Variants in DMD observed in about 807,000 individuals in gnomAD.
DMD encodes the protein dystrophin.
A neutral mutation model predicts 330.1 loss-of-function variants in DMD; 63 were observed. The ratio of observed to expected loss-of-function variants is 0.19; its 90% CI spans 0.16 to 0.24. The LOEUF (loss-of-function observed/expected upper bound fraction) is 0.24. Among genes scored for constraint, DMD ranks in the 10% least tolerant of loss-of-function variants. The pLI, the probability that DMD is intolerant of heterozygous loss-of-function variation, is 1.00. For missense variants in DMD, 3,344 were observed against 2,684.1 expected, an observed-to-expected ratio of 1.25 and a Z score of -5.43; for synonymous variants, 1,223 against 959.8, an observed-to-expected ratio of 1.27 and a Z score of -5.07.
chrX:33,010,026 GTACATGTGTA>G (rs1212377989), intron 2 of DMD, among the ~76,000 whole-genome samples: 1 of 30,926 alleles, frequency 3.2e-5, no homozygotes, highest in Non-Finnish European at 6.5e-5. Context: ...ACATATGTGT[GTACATGTGTA>G]TATACACATG....
At chrX:32,065,626 G>A (rs1225550576) in intron 44 of DMD, among the ~76,000 whole-genome samples, 1 of 111,969 alleles carries the variant, frequency 8.9e-6, no homozygotes, top group Non-Finnish European at 1.9e-5. Flanking sequence ...TTGGATGTTT[G>A]TGTATGTGTA....
rs746219759 is a variant in DMD, at chrX:32,380,699, A to G, written c.4675-19T>C. On this transcript the variant is annotated intron_variant, in intron 33 of 78. Coordinates refer to ENST00000357033, the MANE Select transcript of DMD (RefSeq NM_004006.3). ...CTGTTACCTGAAAAGAATTATAATGAAATGTAATTTAGTTTACTCTTTAAT... is the reference window on the plus strand; with the variant it reads ...CTGTTACCTGAAAAGAATTATAATGGAATGTAATTTAGTTTACTCTTTAAT... 8.4e-7 allele frequency: 1 copy of G among 1,188,262 alleles called. No individual in the cohort carries two copies. The highest frequency in any genetic ancestry group is 1.1e-6 in the Non-Finnish European group (1 of 879,922).
Position 32,565,710 on chromosome X carries a change from T to C in DMD, c.1984A>G (p.Thr662Ala). ...TAATTGGTATCACTAACCTGTGCTG[T>C]ACTCTTTTCAAGTTTTTGGACTAAA... ...DNLVQKLEKSTAQISQAVTTT... is the reference protein window; with the variant it reads ...DNLVQKLEKSAAQISQAVTTT... The change falls in exon 16 of 79, where the codon ACA becomes GCA. Residue 662 changes from threonine to alanine, a missense_variant. Coordinates refer to ENST00000357033, the MANE Select transcript of DMD (RefSeq NM_004006.3). The C allele has an allele frequency of 3.3e-6, 4 of 1,211,321 alleles. No homozygotes were observed. Among genetic ancestry groups the C allele is most frequent in the South Asian group, 1.8e-5 (1 of 57,008 alleles).
intron 60 of DMD, among the ~76,000 whole-genome samples, chrX:31,385,492 G>A (rs2060404390): frequency 8.9e-6 from 1 of 111,935 alleles, no homozygotes; most frequent in Non-Finnish European, 1.9e-5. Flanking sequence ...TAATTTGGTT[G>A]ACTAATGAAG....
At chrX:33,255,489 T>C (rs1360598978) in intron 1 of DMD, among the ~76,000 whole-genome samples, 1 of 111,218 alleles carries the variant, frequency 9.0e-6, no homozygotes, top group East Asian at 2.8e-4. Context: ...CGGATTTATA[T>C]AATCCATATC....
chrX:31,688,598 A>G (rs1261910983), intron 52 of DMD, among the ~76,000 whole-genome samples: 1 of 112,047 alleles, frequency 8.9e-6, no homozygotes, highest in East Asian at 2.8e-4. Flanking sequence ...AAAAAGAGGG[A>G]ATCCTCCCTA....
intron 18 of DMD, among the ~76,000 whole-genome samples, chrX:32,516,402 G>T (rs1459096416): frequency 9.0e-6 from 1 of 111,667 alleles, no homozygotes; most frequent in Admixed American, 9.5e-5. Context: ...CAGAAAACCA[G>T]TTATAAAACA....
chrX:31,262,025 G>C (rs188319473), intron 62 of DMD, among the ~76,000 whole-genome samples: 1 of 112,202 alleles, frequency 8.9e-6, no homozygotes, highest in African/African-American at 3.2e-5. Flanking sequence ...GAAAGTACAG[G>C]GGCCTCACAC....
intron 51 of DMD, among the ~76,000 whole-genome samples, chrX:31,736,286 G>A (rs2086868501): frequency 8.9e-6 from 1 of 111,948 alleles, no homozygotes; most frequent in Non-Finnish European, 1.9e-5. Context: ...AGGAAAAGCT[G>A]AACAGGACAG....
chrX:31,160,701 T>C (rs985329869), intron 74 of DMD, among the ~76,000 whole-genome samples: 10 of 111,902 alleles, frequency 8.9e-5, no homozygotes, highest in African/African-American at 3.2e-4. Flanking sequence ...TTCAAAGTTT[T>C]ACTGTCCTTG....
At chrX:32,850,097 C>A (rs1453377566) in intron 2 of DMD, among the ~76,000 whole-genome samples, 1 of 111,361 alleles carries the variant, frequency 9.0e-6, no homozygotes, top group African/African-American at 3.3e-5. Flanking sequence ...AATATAGATT[C>A]TATGAAGGAG....
intron 2 of DMD, among the ~76,000 whole-genome samples, chrX:33,009,914 A>G (rs868056315): frequency 9.0e-5 from 5 of 55,425 alleles, no homozygotes; most frequent in East Asian, 9.3e-4. Context: ...GTATATGTGT[A>G]TATGTGTGTA....
At chrX:32,457,283 G>A (rs1360564229) in intron 25 of DMD, among the ~76,000 whole-genome samples, 1 of 111,131 alleles carries the variant, frequency 9.0e-6, no homozygotes, top group Non-Finnish European at 1.9e-5. Context: ...ATAACAGTTT[G>A]ATTAGCTCTC....
intron 62 of DMD, among the ~76,000 whole-genome samples, chrX:31,305,520 T>C (rs1166790453): frequency 9.0e-6 from 1 of 111,570 alleles, no homozygotes; most frequent in East Asian, 2.8e-4. Context: ...CAACCACCTC[T>C]TGTGATCTCC....
intron 9 of DMD, among the ~76,000 whole-genome samples, chrX:32,693,288 T>C (rs1228879032): frequency 2.7e-5 from 3 of 112,203 alleles, no homozygotes; most frequent in Non-Finnish European, 5.6e-5. Flanking sequence ...ACATCTGAAC[T>C]AAAGAACTGT....
chrX:32,783,757 A>C (rs991381554), intron 7 of DMD, among the ~76,000 whole-genome samples: 6 of 111,329 alleles, frequency 5.4e-5, no homozygotes, highest in African/African-American at 2.0e-4. Context: ...CATTTATATA[A>C]GGAACTTAAG....
intron 67 of DMD, among the ~76,000 whole-genome samples, chrX:31,186,315 G>A (rs1290145532): frequency 8.9e-6 from 1 of 111,979 alleles, no homozygotes; most frequent in African/African-American, 3.2e-5. Context: ...GAATACTCCG[G>A]AGCCAGAAAA....
intron 52 of DMD, among the ~76,000 whole-genome samples, chrX:31,689,145 A>G (rs2045469292): frequency 1.8e-5 from 2 of 111,735 alleles, no homozygotes; most frequent in African/African-American, 6.5e-5. Flanking sequence ...AAAGAAATAA[A>G]GGGTATTCAA....
chrX:32,436,741 C>A (rs780238532), intron 29 of DMD, among the ~76,000 whole-genome samples: 1 of 110,287 alleles, frequency 9.1e-6, no homozygotes, highest in Non-Finnish European at 1.9e-5. Context: ...AGCTTGAGCC[C>A]GGGAGTTCAA....
Sources: allele counts gnomAD v4.1 joint callset (sites outside exome capture counted in the v4.1 genomes callset), GRCh38; gene constraint gnomAD v4.1.1; transcripts MANE v1.5; gene names NCBI Gene and HGNC (gene_info 2026-07-23, HGNC 2026-07-21).